Variants in NADSYN1 observed in about 807,000 individuals in gnomAD.
NADSYN1 encodes the protein NAD synthetase 1.
A neutral mutation model predicts 99.3 loss-of-function variants in NADSYN1; 80 were observed. The ratio of observed to expected loss-of-function variants is 0.81; its 90% CI spans 0.67 to 0.97. NADSYN1 has a LOEUF of 0.97. Among genes scored for constraint, NADSYN1 ranks in the 50% least tolerant of loss-of-function variants. The pLI is 0.00. For missense variants in NADSYN1, 859 were observed against 948.5 expected (o/e 0.91, Z 1.24); for synonymous variants, 385 against 372.1 (o/e 1.03, Z -0.40).
At chr11:71,494,641 C>T (rs888241664) in intron 18 of NADSYN1, among the ~76,000 whole-genome samples, 3 of 152,132 alleles carry the variant, frequency 2.0e-5, no homozygotes, top group Non-Finnish European at 4.4e-5. Context: ...ACCTCCGCCT[C>T]CCGGGTTCAA....
At chr11:71,473,184 C>T in intron 6 of NADSYN1, 94 bp from the exon 7 acceptor site, 1 of 1,216,854 alleles carries the variant, frequency 8.2e-7, no homozygotes, top group East Asian at 2.3e-5. Flanking sequence ...AACTCCAGCT[C>T]TTGTGGCTGC....
At chr11:71,472,681 G>A (rs1328629615) in intron 6 of NADSYN1, among the ~76,000 whole-genome samples, 181 bp downstream of exon 6, 1 of 152,200 alleles carries the variant, frequency 6.6e-6, no homozygotes, top group Non-Finnish European at 1.5e-5. Flanking sequence ...TGGCCAGACA[G>A]CAGCCAGGGT....
chr11:71,480,925 C>T (rs772460802), intron 11 of NADSYN1, 46 bp downstream of exon 11: 15 of 1,608,014 alleles, frequency 9.3e-6, no homozygotes, highest in African/African-American at 5.3e-5. Context: ...TCTGTGTGGC[C>T]ACGCCCCTGG....
In NADSYN1 at chr11:71,480,850, G is replaced by A. The variant is rs755724388; in HGVS notation, c.969G>A (p.Trp323Ter). The change falls in exon 11 of 21, where the codon TGG becomes TGA. Residue 323 changes from tryptophan to a stop codon, truncating the protein, a stop_gained. Transcript: ENST00000319023. LOFTEE classifies it high-confidence loss of function. ...LLAPISEPIE[W>*]KYHSPEEEIS... ...CACCCATCTCTGAGCCCATCGAGTG[G>A]AAATACCACAGCCCTGAGGAGGAGA... 5 of 1,614,186 alleles carry A rather than the reference G, an allele frequency of 3.1e-6. No homozygotes were observed. The highest frequency in any genetic ancestry group is 2.2e-5 in the East Asian group (1 of 44,868).
chr11:71,476,318 G>A, intron 9 of NADSYN1: 1 of 356,796 alleles, frequency 2.8e-6, no homozygotes, highest in Non-Finnish European at 5.5e-6. Context: ...TTCTGCAGCT[G>A]GCTTTGCAGG....
At chr11:71,459,516 G>A (rs1458381834) in intron 3 of NADSYN1, among the ~76,000 whole-genome samples, 3 of 151,580 alleles carry the variant, frequency 2.0e-5, no homozygotes, top group Non-Finnish European at 2.9e-5. Context: ...TTGAATAGCC[G>A]GCTCCCTATG....
rs779471846 is a variant in NADSYN1 at position 71,478,486 on chromosome 11, A to G, written c.873+17A>G. ...AACCTGGCGGTGAGTGCTCCAGTAG[A>G]CACCTGTGTGGGATGCTCATCAAAG... On this transcript the variant is annotated intron_variant, in intron 10 of 20. Coordinates refer to ENST00000319023, the MANE Select transcript of NADSYN1 (RefSeq NM_018161.5). The G allele has an allele frequency of 6.3e-7, 1 of 1,587,256 alleles. No homozygotes were observed. The highest frequency in any genetic ancestry group is 2.3e-5 in the East Asian group (1 of 44,022).
chr11:71,478,030 G>T (rs980100022), intron 9 of NADSYN1, among the ~76,000 whole-genome samples: 1 of 146,212 alleles, frequency 6.8e-6, no homozygotes, highest in Non-Finnish European at 1.5e-5. Context: ...CTTACTGACA[G>T]GGGTGTGTCT....
chr11:71,484,519 T>G, intron 15 of NADSYN1, 72 bp downstream of exon 15: 1 of 1,521,146 alleles, frequency 6.6e-7, no homozygotes, highest in Non-Finnish European at 8.8e-7. Flanking sequence ...CTACAGGATG[T>G]GCAGGTGCCC....
At chr11:71,464,892 AAG>A (rs1220561792) in intron 5 of NADSYN1, among the ~76,000 whole-genome samples, 3 of 149,574 alleles carry the variant, frequency 2.0e-5, no homozygotes, top group Non-Finnish European at 3.0e-5. Context: ...AAAAAAAAAA[AAG>A]AGCGGGGTTT....
At chr11:71,489,371 A>G (rs1006583674) in intron 16 of NADSYN1, among the ~76,000 whole-genome samples, 1 of 151,996 alleles carries the variant, frequency 6.6e-6, no homozygotes, top group African/African-American at 2.4e-5. Context: ...GTGCCTCCCC[A>G]TCCCCATGGT....
chr11:71,498,294 C>A, intron 19 of NADSYN1, 58 bp from the exon 20 acceptor site: 1 of 1,587,848 alleles, frequency 6.3e-7, no homozygotes, highest in Non-Finnish European at 8.6e-7. Context: ...ATGGGAATTC[C>A]GGCCTGGGGT....
chr11:71,501,261 C>T (rs775920734), intron 20 of NADSYN1, 41 bp from the exon 21 acceptor site: 14 of 1,491,474 alleles, frequency 9.4e-6, no homozygotes, highest in Middle Eastern at 1.8e-4. Flanking sequence ...CCCCACAGTC[C>T]GTCTTTGCGG....
intron 5 of NADSYN1, among the ~76,000 whole-genome samples, chr11:71,464,931 G>A (rs12225516): frequency 0.016 from 2,449 of 150,806 alleles, 45 homozygotes; most frequent in East Asian, 0.078. Context: ...TCTAGGAAGT[G>A]CTTAGGTTCC....
Position 71,453,253 on chromosome 11 carries a change from T to A in NADSYN1, c.-44T>A, listed in dbSNP as rs1454116487. 2 of 1,576,904 alleles carry A rather than the reference T, an allele frequency of 1.3e-6. No individual in the cohort carries two copies. ...CGCCTACCTCGCTGGGACCCTGGTC[T>A]TGCTGTCCCCCGCTGGCCTCCTGCC... is the stretch of plus-strand genomic sequence containing the variant. On this transcript the variant is annotated 5_prime_UTR_variant, in exon 1 of 21. In the 5' UTR this introduces an upstream ATG that the reference lacks. Transcript: ENST00000319023.
chr11:71,483,707 C>G (rs1949724294), intron 14 of NADSYN1, among the ~76,000 whole-genome samples: 1 of 152,214 alleles, frequency 6.6e-6, no homozygotes, highest in South Asian at 2.1e-4. Context: ...TCAGAGGAAT[C>G]AGAAACAGGG....
chr11:71,482,131 C>A, intron 13 of NADSYN1, 106 bp downstream of exon 13: 2 of 1,001,586 alleles, frequency 2.0e-6, no homozygotes, highest in South Asian at 1.5e-5. Flanking sequence ...CCATGGACAT[C>A]GGGGTGAAGG....
chr11:71,488,085 A>G (rs1324512868), intron 16 of NADSYN1, among the ~76,000 whole-genome samples: 1 of 152,008 alleles, frequency 6.6e-6, no homozygotes. Flanking sequence ...TGATTTTTTT[A>G]AATTTCCCTG....
intron 9 of NADSYN1, chr11:71,477,458 C>T (rs556646373): frequency 3.3e-5 from 42 of 1,288,648 alleles, no homozygotes; most frequent in East Asian, 2.8e-4. Context: ...CCTGTTACGG[C>T]GGTAGGAGCA....
Sources: gnomAD v4.1 joint callset for allele counts (sites outside exome capture counted in the v4.1 genomes callset) on GRCh38, gnomAD v4.1.1 for gene constraint, MANE v1.5 for transcripts, NCBI Gene and HGNC (gene_info 2026-07-23, HGNC 2026-07-21) for gene names.